Variants in ZNF783 observed in about 807,000 individuals in gnomAD.
ZNF783 encodes the protein zinc finger protein 783.
ZNF783 carries 25 observed loss-of-function variants against 31.3 expected under a neutral mutation model. The observed-to-expected ratio is 0.80, with a 90% CI of 0.58 to 1.11. ZNF783 has a LOEUF of 1.11. Ranked by LOEUF, ZNF783 falls within the 50% of genes most tolerant of loss-of-function variation. ZNF783 has a pLI of 0.00. For synonymous variants in ZNF783, 369 were observed against 319.1 expected, an observed-to-expected ratio of 1.16 and a Z score of -1.66; for missense variants, 797 against 760.0, an observed-to-expected ratio of 1.05 and a Z score of -0.57.
chr7:149,278,591 G>T (rs1164085117), intron 5 of ZNF783, 64 bp downstream of exon 5: 35 of 1,590,730 alleles, frequency 2.2e-5, no homozygotes, highest in Non-Finnish European at 2.8e-5. Flanking sequence ...ATCACCAAGC[G>T]ATGGTGCTGA....
intron 4 of ZNF783, among the ~76,000 whole-genome samples, chr7:149,274,717 C>T (rs1471045623): frequency 2.0e-5 from 3 of 152,134 alleles, no homozygotes; most frequent in South Asian, 2.1e-4. Context: ...GTAGATGTAT[C>T]GGTTTATTTC....
chr7:149,275,458 A>G (rs1223081423), intron 4 of ZNF783, among the ~76,000 whole-genome samples: 2 of 151,078 alleles, frequency 1.3e-5, no homozygotes, highest in Non-Finnish European at 2.9e-5. Flanking sequence ...GACTACAGGC[A>G]CCCATGACCA....
intron 5 of ZNF783, 134 bp downstream of exon 5, chr7:149,278,661 C>T (rs779293273): frequency 1.2e-4 from 174 of 1,424,268 alleles, no homozygotes; most frequent in East Asian, 2.2e-4. Flanking sequence ...TGGGCTGGGC[C>T]GGACAGGCTT....
intron 4 of ZNF783, chr7:149,275,607 G>A (rs12540172): frequency 0.19 from 28,889 of 152,058 alleles, 2,949 homozygotes; most frequent in Admixed American, 0.31. Flanking sequence ...ATGAGCCACT[G>A]CGCCTGGCCC....
chr7:149,279,632 G>GTTTTTTTTTTTTTTTTTT (rs764203926), intron 5 of ZNF783, among the ~76,000 whole-genome samples: 7 of 100,338 alleles, frequency 7.0e-5, no homozygotes, highest in Non-Finnish European at 9.9e-5. Flanking sequence ...TTTTATCTTT[G>GTTTTTTTTTTTTTTTTTT]TTTTTTTTTT....
Position 149,281,907 on chromosome 7 carries a change from C to A in ZNF783, c.1205C>A (p.Pro402His). The A allele has an allele frequency of 6.6e-7, 1 of 1,523,974 alleles. No individual in the cohort carries two copies. Among genetic ancestry groups the A allele is most frequent in the Non-Finnish European group, 8.8e-7 (1 of 1,140,464 alleles). The allele number at this position is 1,523,974 out of a possible 1,614,324, so 94.4% of individuals were successfully genotyped here. A position where few individuals can be genotyped will look rare whatever the true frequency, so the allele number is the denominator to read the frequency against. The change falls in exon 6 of 6, where the codon CCC becomes CAC. Residue 402 changes from proline to histidine, a missense_variant. Pro to His is a moderately conservative substitution (Grantham distance 77). Transcript: ENST00000434415. ...CTGGAGCCGGGGGAGGTGGTGGTACCCGGCCCTGTCATCCGCTGGCTCCCC... is the reference window on the plus strand; with the variant it reads ...CTGGAGCCGGGGGAGGTGGTGGTACACGGCCCTGTCATCCGCTGGCTCCCC... ...AMLEPGEVVV[P>H]GPVIRWLPEE...
At position 149,267,245 on chromosome 7, in the gene ZNF783, G is replaced by C. The variant is rs754652254; in HGVS notation, c.673+23G>C. ...CTGGTAAGTATAGGAGCCAGATGTGGTTGGGGGGCCGCCAGGGGCTAGCTG... is the reference window on the plus strand; with the variant it reads ...CTGGTAAGTATAGGAGCCAGATGTGCTTGGGGGGCCGCCAGGGGCTAGCTG... On this transcript the variant is annotated intron_variant, in intron 4 of 5. Transcript: ENST00000434415. The C allele has an allele frequency of 5.1e-6, 8 of 1,560,176 alleles. No homozygotes were observed. In the South Asian group the frequency reaches 7.2e-5, roughly 14 times the overall value.
chr7:149,262,788 G>C (rs1337323115), intron 1 of ZNF783, among the ~76,000 whole-genome samples: 2 of 152,278 alleles, frequency 1.3e-5, no homozygotes, highest in Non-Finnish European at 2.9e-5. Flanking sequence ...TTAGAGGCGG[G>C]AGCCTCACGC....
At chr7:149,267,779 G>C (rs1797117015) in intron 4 of ZNF783, among the ~76,000 whole-genome samples, 1 of 151,854 alleles carries the variant, frequency 6.6e-6, no homozygotes, top group Non-Finnish European at 1.5e-5. Flanking sequence ...CCTGGGTGAC[G>C]GAGCAAGACT....
intron 4 of ZNF783, among the ~76,000 whole-genome samples, chr7:149,274,415 G>A (rs1797279584): frequency 6.6e-6 from 1 of 151,116 alleles, no homozygotes; most frequent in South Asian, 2.1e-4. Flanking sequence ...ACCCAGGCTG[G>A]AGTGTGGTGG....
At chr7:149,268,415 C>T (rs1170606982) in intron 4 of ZNF783, among the ~76,000 whole-genome samples, 1 of 152,156 alleles carries the variant, frequency 6.6e-6, no homozygotes, top group Non-Finnish European at 1.5e-5. Context: ...TCTTTTTCAA[C>T]AGCTTTATTG....
chr7:149,272,118 A>G (rs114969762), intron 4 of ZNF783, among the ~76,000 whole-genome samples: 125 of 152,148 alleles, frequency 8.2e-4, no homozygotes, highest in African/African-American at 2.9e-3. Flanking sequence ...CCTGGGTTCA[A>G]ATGATTCTGG....
rs1226777792 is a variant in ZNF783, at chr7:149,282,523, C to T, written c.*180C>T. 1.5e-5 allele frequency: 9 copies of T among 586,274 alleles called. No homozygotes were observed. Among genetic ancestry groups the T allele is most frequent in the South Asian group, 7.4e-5 (3 of 40,540 alleles). 36.3% of individuals were successfully genotyped at this position (586,274 alleles called of 1,614,324 possible). A position where few individuals can be genotyped will look rare whatever the true frequency, so the allele number is the denominator to read the frequency against. On this transcript the variant is annotated 3_prime_UTR_variant, in exon 6 of 6. Coordinates refer to ENST00000434415, the MANE Select transcript of ZNF783 (RefSeq NM_001195220.2). ...CTTTCTGTTTCCTGTTTGCACTCTT[C>T]GCTGCCTTTTCTGCATTCCTGACTT...
intron 1 of ZNF783, among the ~76,000 whole-genome samples, chr7:149,263,819 T>C (rs560883854): frequency 3.3e-5 from 5 of 152,190 alleles, no homozygotes; most frequent in Admixed American, 6.5e-5. Flanking sequence ...CTGGATACTT[T>C]TATTAAAGTA....
chr7:149,263,846 C>T (rs368242414), intron 1 of ZNF783, among the ~76,000 whole-genome samples: 4 of 152,276 alleles, frequency 2.6e-5, no homozygotes, highest in South Asian at 4.1e-4. Context: ...CCTCTCCCTC[C>T]TCTTAGTGAG....
At chr7:149,264,204 T>C (rs1212934607) in intron 1 of ZNF783, among the ~76,000 whole-genome samples, 1 of 152,258 alleles carries the variant, frequency 6.6e-6, no homozygotes, top group Non-Finnish European at 1.5e-5. Flanking sequence ...TCATCTTCAC[T>C]GTACATTTAC....
At chr7:149,276,637 C>T (rs1797335279) in intron 4 of ZNF783, 1 of 927,958 alleles carries the variant, frequency 1.1e-6, no homozygotes, top group African/African-American at 1.9e-5. Context: ...GTGGACAGGA[C>T]CCCACTTGGG....
chr7:149,281,456 G>A (rs1797461992), intron 5 of ZNF783, 49 bp from the exon 6 acceptor site: 1 of 1,408,774 alleles, frequency 7.1e-7, no homozygotes, highest in Middle Eastern at 1.9e-4. Context: ...TGACCTGGGG[G>A]ACAGGGTGGT....
chr7:149,266,288 G>T, intron 1 of ZNF783, 47 bp from the exon 2 acceptor site: 4 of 1,468,236 alleles, frequency 2.7e-6, no homozygotes, highest in South Asian at 2.8e-5. Flanking sequence ...TGGAAGTTTT[G>T]ATTGTATAAT....
Sources: allele counts gnomAD v4.1 joint callset (sites outside exome capture counted in the v4.1 genomes callset), GRCh38; gene constraint gnomAD v4.1.1; transcripts MANE v1.5; gene names NCBI Gene and HGNC (gene_info 2026-07-23, HGNC 2026-07-21).